The following PRKN variants were observed in gnomAD, a reference collection of about 807,000 sequenced individuals.
PRKN encodes the protein E3 ubiquitin-protein ligase parkin.
PRKN carries 56 observed loss-of-function variants against 59.5 expected under a neutral mutation model. The ratio of observed to expected loss-of-function variants is 0.94; its 90% CI spans 0.76 to 1.18. PRKN has a LOEUF of 1.18. Among genes scored for constraint, PRKN ranks in the 50% most tolerant of loss-of-function variants. The pLI is 0.00. For missense variants in PRKN, 657 were observed against 596.4 expected (o/e 1.10, Z -1.06); for synonymous variants, 250 against 222.1 (o/e 1.13, Z -1.12).
At chr6:162,406,811 T>A (rs1020288907) in intron 2 of PRKN, among the ~76,000 whole-genome samples, 2 of 152,122 alleles carry the variant, frequency 1.3e-5, no homozygotes, top group African/African-American at 4.8e-5. Flanking sequence ...CACTTCCTGA[T>A]GGGAAGCTTT....
At chr6:161,642,866 C>A (rs1482128876) in intron 7 of PRKN, among the ~76,000 whole-genome samples, 1 of 152,124 alleles carries the variant, frequency 6.6e-6, no homozygotes, top group African/African-American at 2.4e-5. Flanking sequence ...TTTAAACATA[C>A]ACTTATATAG....
intron 2 of PRKN, among the ~76,000 whole-genome samples, chr6:162,418,548 T>C (rs1199589976): frequency 4.0e-5 from 6 of 151,322 alleles, no homozygotes; most frequent in Non-Finnish European, 7.4e-5. Context: ...AGAACAAGAA[T>C]TGGAGTGTTC....
chr6:161,811,131 C>T (rs375044193), intron 6 of PRKN, among the ~76,000 whole-genome samples: 18 of 152,236 alleles, frequency 1.2e-4, no homozygotes, highest in Admixed American at 7.2e-4. Context: ...TCTGTATTAG[C>T]CAAAGCAATT....
At chr6:162,442,689 C>T (rs558222589) in intron 2 of PRKN, among the ~76,000 whole-genome samples, 2 of 152,222 alleles carry the variant, frequency 1.3e-5, no homozygotes, top group African/African-American at 4.8e-5. Context: ...GGGCCTATTT[C>T]CAGGGACAAT....
At chr6:162,519,348 T>C (rs1038608413) in intron 1 of PRKN, among the ~76,000 whole-genome samples, 5 of 152,170 alleles carry the variant, frequency 3.3e-5, no homozygotes, top group African/African-American at 4.8e-5. Context: ...GCTTGAGCGC[T>C]AGTGTGTCAA....
At chr6:161,890,037 A>T (rs1795284327) in intron 6 of PRKN, among the ~76,000 whole-genome samples, 1 of 152,178 alleles carries the variant, frequency 6.6e-6, no homozygotes, top group Non-Finnish European at 1.5e-5. Context: ...ACTTAGACTC[A>T]TGGGGTCAGA....
intron 4 of PRKN, among the ~76,000 whole-genome samples, chr6:162,144,811 C>T (rs745815512): frequency 5.3e-5 from 8 of 152,140 alleles, no homozygotes; most frequent in East Asian, 1.9e-4. Context: ...AAGTCTCACA[C>T]TGACAGGCCT....
chr6:162,075,740 T>G (rs1415246768), intron 4 of PRKN, among the ~76,000 whole-genome samples: 1 of 151,944 alleles, frequency 6.6e-6, no homozygotes, highest in East Asian at 1.9e-4. Context: ...AAAAGTGCTT[T>G]TCAAGGGTCC....
intron 2 of PRKN, among the ~76,000 whole-genome samples, chr6:162,381,814 T>C (rs547894934): frequency 1.3e-5 from 2 of 152,336 alleles, no homozygotes; most frequent in African/African-American, 4.8e-5. Context: ...TATTCTATAC[T>C]GATAGTTAAT....
At chr6:161,744,646 C>A (rs1788337974) in intron 7 of PRKN, among the ~76,000 whole-genome samples, 2 of 152,132 alleles carry the variant, frequency 1.3e-5, no homozygotes, top group African/African-American at 2.4e-5. Flanking sequence ...CTGGAAGATC[C>A]CCCAGGCAGC....
At chr6:161,509,200 CT>C (rs10578350) in intron 9 of PRKN, among the ~76,000 whole-genome samples, 16,810 of 149,388 alleles carry the variant, frequency 0.11, 1,095 homozygotes, top group African/African-American at 0.19. Flanking sequence ...AAAGACTTTT[CT>C]TTTTTTTTTT....
chr6:162,279,379 G>C (rs1457549097), intron 2 of PRKN, among the ~76,000 whole-genome samples: 1 of 148,982 alleles, frequency 6.7e-6, no homozygotes, highest in Admixed American at 6.8e-5. Flanking sequence ...GAGAGAAGGA[G>C]AGAGAGGGAA....
chr6:162,387,277 T>C (rs1211763868), intron 2 of PRKN, among the ~76,000 whole-genome samples: 1 of 150,546 alleles, frequency 6.6e-6, no homozygotes, highest in Non-Finnish European at 1.5e-5. Flanking sequence ...AAATGTTTAC[T>C]GGAAGGCTGT....
At chr6:162,034,186 T>TATAGAGAG (rs1349695864) in intron 5 of PRKN, among the ~76,000 whole-genome samples, 3,455 of 133,224 alleles carry the variant, frequency 0.026, 40 homozygotes, top group Middle Eastern at 0.054. Flanking sequence ...TATATATATA[T>TATAGAGAG]AGAGAGAGAG....
chr6:162,134,296 C>T (rs1781485063), intron 4 of PRKN, among the ~76,000 whole-genome samples: 1 of 152,144 alleles, frequency 6.6e-6, no homozygotes, highest in African/African-American at 2.4e-5. Flanking sequence ...TTTTAACTCA[C>T]ATCTGGGAAG....
chr6:161,758,925 T>C (rs563368871), intron 7 of PRKN, among the ~76,000 whole-genome samples: 5 of 152,292 alleles, frequency 3.3e-5, no homozygotes, highest in Non-Finnish European at 5.9e-5. Context: ...ATGCCTGTAA[T>C]CCTAGCACTT....
intron 7 of PRKN, among the ~76,000 whole-genome samples, chr6:161,669,829 C>G (rs547010146): frequency 6.6e-6 from 1 of 152,210 alleles, no homozygotes; most frequent in Non-Finnish European, 1.5e-5. Flanking sequence ...TCATTAGTCC[C>G]GTTTCACCAT....
intron 7 of PRKN, among the ~76,000 whole-genome samples, chr6:161,655,866 G>A (rs1784326376): frequency 7.3e-6 from 1 of 136,406 alleles, no homozygotes; most frequent in Non-Finnish European, 1.7e-5. Context: ...CAACACACAT[G>A]CACACACACA....
chr6:162,598,753 T>C (rs1781584537), intron 1 of PRKN, among the ~76,000 whole-genome samples: 1 of 149,222 alleles, frequency 6.7e-6, no homozygotes, highest in Admixed American at 6.8e-5. Flanking sequence ...CTCGGGAGGC[T>C]GAGGCATGAG....
Sources: gnomAD v4.1 joint callset for allele counts (sites outside exome capture counted in the v4.1 genomes callset) on GRCh38, gnomAD v4.1.1 for gene constraint, MANE v1.5 for transcripts, NCBI Gene and HGNC (gene_info 2026-07-23, HGNC 2026-07-21) for gene names.